Variants in LIPA observed in about 807,000 individuals in gnomAD.
LIPA encodes the protein lipase A, lysosomal acid type, also known as lysosomal acid lipase/cholesteryl ester hydrolase.
In LIPA, 26 loss-of-function variants were observed where a neutral mutation model predicts 40.6. That is an observed-to-expected ratio of 0.64 (90% CI 0.47 to 0.89). The LOEUF is 0.89. Among genes scored for constraint, LIPA ranks in the 40% least tolerant of loss-of-function variants. The probability of loss-of-function intolerance (pLI) is 0.00; values close to 1 mark genes in which losing one functional copy is unlikely to be tolerated. For synonymous variants in LIPA, 188 were observed against 168.4 expected, an observed-to-expected ratio of 1.12 and a Z score of -0.90; for missense variants, 455 against 479.6, an observed-to-expected ratio of 0.95 and a Z score of 0.48.
intron 1 of LIPA, among the ~76,000 whole-genome samples, chr10:89,323,924 T>A (rs1293814225): frequency 1.3e-5 from 2 of 152,202 alleles, no homozygotes; most frequent in East Asian, 3.8e-4. Flanking sequence ...TAGAAAAACC[T>A]ATTTTAAAAT....
At chr10:89,350,229 A>T (rs763038022) in intron 2 of LIPA, among the ~76,000 whole-genome samples, 3 of 151,944 alleles carry the variant, frequency 2.0e-5, no homozygotes, top group Non-Finnish European at 2.9e-5. Flanking sequence ...GTTCAGGAGG[A>T]TATGATATTT....
At chr10:89,234,627 GCTC>G (rs1387169528) in intron 3 of LIPA, among the ~76,000 whole-genome samples, 12 of 152,186 alleles carry the variant, frequency 7.9e-5, no homozygotes, top group African/African-American at 2.9e-4. Flanking sequence ...TCTCTCACCT[GCTC>G]CCACCAGGGG....
intron 2 of LIPA, among the ~76,000 whole-genome samples, chr10:89,381,854 C>T (rs1416318326): frequency 6.6e-6 from 1 of 152,026 alleles, no homozygotes; most frequent in African/African-American, 2.4e-5. Context: ...GGCATGATCT[C>T]GGTTCATGGC....
Position 89,321,897 on chromosome 10 carries a change from G to A in LIPA, c.-2+20714C>T, listed in dbSNP as rs10887944. Among the ~76,000 whole-genome samples the A allele has an allele frequency of 3.7e-3, 567 of 152,006 alleles. 6 individuals carry two copies. Among genetic ancestry groups the A allele is most frequent in the African/African-American group, 0.012 (501 of 41,474 alleles). Reference sequence around the variant, plus strand: ...TGGAATACTATGCAGCCATAAAAAAGGATGAGTTCATGTCCTTTGTAGGGA... The same window carrying A: ...TGGAATACTATGCAGCCATAAAAAAAGATGAGTTCATGTCCTTTGTAGGGA... On this transcript the variant is annotated intron_variant, in intron 1 of 5. Transcript: ENST00000282673.
At chr10:89,392,469 C>A (rs1358584225) in intron 2 of LIPA, 2 of 187,612 alleles carry the variant, frequency 1.1e-5, no homozygotes, top group South Asian at 1.1e-4. Flanking sequence ...GTTTCATTCC[C>A]CACCCCCCCC....
chr10:89,364,536 T>C (rs924715094), intron 2 of LIPA, among the ~76,000 whole-genome samples: 8 of 152,062 alleles, frequency 5.3e-5, no homozygotes, highest in Non-Finnish European at 1.0e-4. Context: ...TTTCAGACTA[T>C]TGAGATACCT....
At chr10:89,293,583 C>T (rs1005263990) in intron 1 of LIPA, 1 of 151,960 alleles carries the variant, frequency 6.6e-6, no homozygotes, top group East Asian at 1.9e-4. Flanking sequence ...GTTCTAGATG[C>T]TAGAAGTCCA....
At chr10:89,270,026 A>G in intron 1 of LIPA, among the ~76,000 whole-genome samples, 1 of 152,218 alleles carries the variant, frequency 6.6e-6, no homozygotes, top group East Asian at 1.9e-4. Flanking sequence ...GTCTGTGCAA[A>G]GTGCAGATGG....
chr10:89,322,831 C>T (rs991325131), intron 1 of LIPA, among the ~76,000 whole-genome samples: 1 of 152,226 alleles, frequency 6.6e-6, no homozygotes, highest in Non-Finnish European at 1.5e-5. Flanking sequence ...GTGACCATAG[C>T]CTCCTGTTCT....
chr10:89,235,786 C>T (rs1048517746), intron 3 of LIPA, among the ~76,000 whole-genome samples: 2 of 152,206 alleles, frequency 1.3e-5, no homozygotes, highest in Non-Finnish European at 2.9e-5. Context: ...TTACTGGCTA[C>T]AAAACTTTGT....
At chr10:89,414,596 A>G, upstream of LIPA, 1 of 485,084 alleles carries the variant, frequency 2.1e-6, no homozygotes, top group East Asian at 3.6e-5. Flanking sequence ...ATCTGATTCA[A>G]TCTCCAGTTT....
At chr10:89,316,225 T>C (rs1247311773) in intron 1 of LIPA, among the ~76,000 whole-genome samples, 1 of 152,028 alleles carries the variant, frequency 6.6e-6, no homozygotes, top group Non-Finnish European at 1.5e-5. Context: ...GCTTGTCAGA[T>C]AGTGGGTGCA....
chr10:89,304,679 T>C (rs1036032362), intron 1 of LIPA, among the ~76,000 whole-genome samples: 4 of 152,234 alleles, frequency 2.6e-5, no homozygotes, highest in Admixed American at 6.5e-5. Flanking sequence ...ATTTGGGGCA[T>C]AGAATACTAT....
At chr10:89,384,790 T>C (rs781019248) in intron 2 of LIPA, 3 of 1,395,736 alleles carry the variant, frequency 2.1e-6, no homozygotes, top group East Asian at 2.3e-5. Flanking sequence ...ATAGAATGAC[T>C]ATGAAATTAA....
intron 1 of LIPA, chr10:89,284,485 G>C (rs969106842): frequency 6.6e-6 from 1 of 152,110 alleles, no homozygotes; most frequent in South Asian, 2.1e-4. Flanking sequence ...ACCTCAAAAA[G>C]ATCTCCCTTT....
upstream of LIPA, among the ~76,000 whole-genome samples, chr10:89,252,579 G>C (rs10887935): frequency 0.13 from 19,824 of 152,212 alleles, 1,604 homozygotes; most frequent in African/African-American, 0.22. Context: ...AAGCTGAGGA[G>C]GGCGGATCAC....
At chr10:89,398,314 T>C (rs1589636001) in intron 2 of LIPA, among the ~76,000 whole-genome samples, 1 of 152,228 alleles carries the variant, frequency 6.6e-6, no homozygotes, top group African/African-American at 2.4e-5. Flanking sequence ...ATCATCCACA[T>C]GCGTGATGTT....
chr10:89,259,302 T>C (rs1342723215), intron 1 of LIPA, among the ~76,000 whole-genome samples: 1 of 152,192 alleles, frequency 6.6e-6, no homozygotes, highest in Non-Finnish European at 1.5e-5. Context: ...AAAGAAGATA[T>C]ATGGATGATG....
chr10:89,322,057 T>C (rs1843574981), intron 1 of LIPA, among the ~76,000 whole-genome samples: 1 of 150,808 alleles, frequency 6.6e-6, no homozygotes, highest in Non-Finnish European at 1.5e-5. Context: ...CATCACACAC[T>C]GGGGCCTGTC....
Sources: allele counts gnomAD v4.1 joint callset (sites outside exome capture counted in the v4.1 genomes callset), GRCh38; gene constraint gnomAD v4.1.1; transcripts MANE v1.5; gene names NCBI Gene and HGNC (gene_info 2026-07-23, HGNC 2026-07-21).